Variants in TFPI observed in about 807,000 individuals in gnomAD.
TFPI encodes the protein anti-convertin.
TFPI carries 15 observed loss-of-function variants against 34.6 expected under a neutral mutation model. The ratio of observed to expected loss-of-function variants is 0.43; its 90% confidence interval spans 0.29 to 0.67. The LOEUF is 0.67. Ranked by LOEUF, TFPI falls within the 30% of genes least tolerant of loss-of-function variation. The pLI is 0.15. For synonymous variants in TFPI, 105 were observed against 120.1 expected, an observed-to-expected ratio of 0.87 and a Z score of 0.82; for missense variants, 301 against 364.0, an observed-to-expected ratio of 0.83 and a Z score of 1.41.
At chr2:187,471,664 T>A (rs1362006323) in intron 6 of TFPI, among the ~76,000 whole-genome samples, 1 of 152,024 alleles carries the variant, frequency 6.6e-6, no homozygotes, top group South Asian at 2.1e-4. Flanking sequence ...TACACTTTTT[T>A]TTTTAAATCA....
chr2:187,507,170 G>A (rs1686282713), intron 1 of TFPI, among the ~76,000 whole-genome samples: 1 of 151,912 alleles, frequency 6.6e-6, no homozygotes, highest in Non-Finnish European at 1.5e-5. Context: ...TTGGTTTTCT[G>A]TTCCTGTGTT....
intron 6 of TFPI, among the ~76,000 whole-genome samples, chr2:187,477,835 G>T (rs1170561396): frequency 6.6e-6 from 1 of 152,098 alleles, no homozygotes; most frequent in Non-Finnish European, 1.5e-5. Context: ...ATGTCTGGAG[G>T]TCATACATTG....
At chr2:187,539,779 A>G (rs1388437629) in intron 1 of TFPI, among the ~76,000 whole-genome samples, 1 of 152,342 alleles carries the variant, frequency 6.6e-6, no homozygotes, top group East Asian at 1.9e-4. Context: ...AGGGATTGTT[A>G]ATGTGAAAGC....
Position 187,511,906 on chromosome 2 carries a change from G to A in TFPI, c.-2-8136C>T, listed in dbSNP as rs1028093385. 1.1e-4 allele frequency among the ~76,000 whole-genome samples: 16 copies of A among 150,916 alleles called. No individual in the cohort carries two copies. In the East Asian group the frequency reaches 2.1e-3, roughly 20 times the overall value. ...CAGGAAGAGACAGAAAGACAAAGAG[G>A]GAGTCAAGGAAAGAGAGAGAGAGAG... On this transcript the variant is annotated intron_variant, in intron 1 of 7. Transcript: ENST00000233156.
intron 2 of TFPI, among the ~76,000 whole-genome samples, chr2:187,500,390 TG>T (rs1685773027): frequency 6.6e-6 from 1 of 152,208 alleles, no homozygotes; most frequent in Non-Finnish European, 1.5e-5. Flanking sequence ...GATCCTCATA[TG>T]GTTTTACAAC....
Position 187,464,465 on chromosome 2 carries a change from C to T in TFPI, c.*2471G>A, listed in dbSNP as rs1691626185. 1 of 152,110 alleles carries T rather than the reference C, an allele frequency of 6.6e-6. No individual in the cohort carries two copies. Among genetic ancestry groups the T allele is most frequent in the Non-Finnish European group, 1.5e-5 (1 of 68,010 alleles). 9.4% of individuals were successfully genotyped at this position (152,110 alleles called of 1,614,324 possible). ...TTTTTCCAAAACACGGTAAAAATAA[C>T]GTTCACATGCATTAAACATTTCAAG... On this transcript the variant is annotated 3_prime_UTR_variant, in exon 8 of 8. Coordinates refer to ENST00000233156, the MANE Select transcript of TFPI (RefSeq NM_006287.6).
intron 1 of TFPI, among the ~76,000 whole-genome samples, chr2:187,523,439 G>A (rs1038863130): frequency 8.6e-5 from 13 of 151,978 alleles, no homozygotes; most frequent in African/African-American, 3.1e-4. Flanking sequence ...AGACTTATAG[G>A]CTCCACTTAT....
chr2:187,545,456 T>C (rs930097814), intron 1 of TFPI, among the ~76,000 whole-genome samples: 26 of 152,200 alleles, frequency 1.7e-4, no homozygotes, highest in Admixed American at 6.5e-5. Flanking sequence ...AATATCCAGA[T>C]TTTTTAAATA....
chr2:187,477,462 TTTTG>T (rs1462099686), intron 6 of TFPI, among the ~76,000 whole-genome samples: 5 of 152,120 alleles, frequency 3.3e-5, no homozygotes, highest in Admixed American at 6.5e-5. Context: ...AGTGGGTTTT[TTTTG>T]TTTGTTTGTT....
intron 1 of TFPI, among the ~76,000 whole-genome samples, chr2:187,552,335 A>G (rs529127137): frequency 6.6e-6 from 1 of 152,176 alleles, no homozygotes; most frequent in African/African-American, 2.4e-5. Flanking sequence ...TTAGTTTGCC[A>G]TCCTGCCCAC....
intron 1 of TFPI, chr2:187,520,632 T>A (rs1160980143): frequency 6.6e-6 from 1 of 151,940 alleles, no homozygotes; most frequent in African/African-American, 2.4e-5. Flanking sequence ...TGGAAGAAAG[T>A]CACTACATAT....
At chr2:187,510,985 T>G (rs1325544644) in intron 1 of TFPI, among the ~76,000 whole-genome samples, 1 of 152,138 alleles carries the variant, frequency 6.6e-6, no homozygotes, top group Non-Finnish European at 1.5e-5. Context: ...GCGAGGTGAT[T>G]AACAGAGGCC....
At chr2:187,550,091 A>T (rs1437874841) in intron 1 of TFPI, among the ~76,000 whole-genome samples, 1 of 152,130 alleles carries the variant, frequency 6.6e-6, no homozygotes, top group Non-Finnish European at 1.5e-5. Flanking sequence ...CAAAGCAGAC[A>T]GTCTCAGGAG....
chr2:187,546,090 A>G (rs1688842678), intron 1 of TFPI, among the ~76,000 whole-genome samples: 1 of 152,106 alleles, frequency 6.6e-6, no homozygotes, highest in African/African-American at 2.4e-5. Context: ...ATAGATCTCC[A>G]CTACTAAGAA....
In TFPI at chr2:187,540,285, A is replaced by C. The variant is rs1228255080; in HGVS notation, c.-3+13915T>G. ...TAAGATCCTTACCTTGCTGCAAAAA[A>C]TTGCAAAATAAGATGGAAAAAACAT... On this transcript the variant is annotated intron_variant, in intron 1 of 7. Coordinates refer to ENST00000233156, the MANE Select transcript of TFPI (RefSeq NM_006287.6). Among the ~76,000 whole-genome samples the C allele has an allele frequency of 4.6e-5, 7 of 152,312 alleles. No individual in the cohort carries two copies. In the East Asian group the frequency reaches 1.3e-3, roughly 29 times the overall value.
At chr2:187,551,344 A>G (rs1401783657) in intron 1 of TFPI, among the ~76,000 whole-genome samples, 1 of 152,120 alleles carries the variant, frequency 6.6e-6, no homozygotes, top group Non-Finnish European at 1.5e-5. Flanking sequence ...TCCAACTAAG[A>G]GAGGACATAG....
In TFPI at chr2:187,464,489, A is replaced by G. The variant is rs938677217; in HGVS notation, c.*2447T>C. ...ACGTTCACATGCATTAAACATTTCA[A>G]GCCATCTCAGTATATGTCTTTCTTG... is the stretch of plus-strand genomic sequence containing the variant. On this transcript the variant is annotated 3_prime_UTR_variant, in exon 8 of 8. Transcript: ENST00000233156. 2.6e-5 allele frequency: 4 copies of G among 152,204 alleles called. No homozygotes were observed. The highest frequency in any genetic ancestry group is 2.6e-4 in the Admixed American group (4 of 15,266). 9.4% of individuals were successfully genotyped at this position (152,204 alleles called of 1,614,324 possible). A position where few individuals can be genotyped will look rare whatever the true frequency, so the allele number is the denominator to read the frequency against.
intron 6 of TFPI, chr2:187,478,929 T>A: frequency 1.4e-6 from 1 of 698,970 alleles, no homozygotes; most frequent in Non-Finnish European, 2.3e-6. Context: ...TTCAAAAAAA[T>A]CTTGTAATCT....
chr2:187,538,248 G>T (rs368880538), intron 1 of TFPI, among the ~76,000 whole-genome samples: 2 of 152,132 alleles, frequency 1.3e-5, no homozygotes. Flanking sequence ...TACACCCAAA[G>T]GATTATAAAT....
Sources: gnomAD v4.1 joint callset for allele counts (sites outside exome capture counted in the v4.1 genomes callset) on GRCh38, gnomAD v4.1.1 for gene constraint, MANE v1.5 for transcripts, NCBI Gene and HGNC (gene_info 2026-07-23, HGNC 2026-07-21) for gene names.